The following TMEM132B variants were observed in gnomAD, a reference collection of about 807,000 sequenced individuals.
The protein encoded by TMEM132B is transmembrane protein 132B.
TMEM132B carries 18 observed loss-of-function variants against 90.8 expected under a neutral mutation model. That is an observed-to-expected ratio of 0.20 (90% CI 0.14 to 0.29). The LOEUF (loss-of-function observed/expected upper bound fraction) is 0.29. TMEM132B is among the 10% of genes least tolerant of loss of function. The pLI, the probability that TMEM132B is intolerant of heterozygous loss-of-function variation, is 1.00. For missense variants in TMEM132B, 1,096 were observed against 1,326.8 expected (o/e 0.83, Z 2.70); for synonymous variants, 504 against 523.3 (o/e 0.96, Z 0.50).
At chr12:125,405,598 GCTGTGCCAGT>G (rs1223802701) in intron 2 of TMEM132B, among the ~76,000 whole-genome samples, 2 of 152,088 alleles carry the variant, frequency 1.3e-5, no homozygotes, top group Admixed American at 1.3e-4. Context: ...GAATACCTGT[GCTGTGCCAGT>G]CAGGTATAGT....
chr12:125,310,324 C>T (rs866675989), intron 1 of TMEM132B, among the ~76,000 whole-genome samples: 1 of 152,160 alleles, frequency 6.6e-6, no homozygotes, highest in South Asian at 2.1e-4. Flanking sequence ...TTGTGGGAGA[C>T]CCGGACAGAG....
intron 5 of TMEM132B, among the ~76,000 whole-genome samples, chr12:125,599,861 CT>C (rs1386261846): frequency 6.6e-6 from 1 of 152,082 alleles, no homozygotes; most frequent in Non-Finnish European, 1.5e-5. Context: ...GGAAAACTTA[CT>C]TTTGGTCTTG....
At chr12:125,606,184 A>G (rs531563426) in intron 5 of TMEM132B, among the ~76,000 whole-genome samples, 1 of 152,336 alleles carries the variant, frequency 6.6e-6, no homozygotes, top group Non-Finnish European at 1.5e-5. Flanking sequence ...AAATATGAAC[A>G]GTTCAGATTT....
intron 5 of TMEM132B, among the ~76,000 whole-genome samples, chr12:125,632,117 A>G (rs1669919881): frequency 6.6e-6 from 1 of 151,644 alleles, no homozygotes; most frequent in Non-Finnish European, 1.5e-5. Flanking sequence ...GATACAATTT[A>G]CTTTCTTGCT....
intron 1 of TMEM132B, among the ~76,000 whole-genome samples, chr12:125,337,801 C>T (rs374705675): frequency 6.6e-6 from 1 of 152,212 alleles, no homozygotes; most frequent in Non-Finnish European, 1.5e-5. Context: ...CAAAGTCATA[C>T]ATGCAGATGG....
intron 1 of TMEM132B, among the ~76,000 whole-genome samples, chr12:125,198,111 G>A (rs1412515372): frequency 6.6e-6 from 1 of 152,178 alleles, no homozygotes; most frequent in Admixed American, 6.5e-5. Flanking sequence ...TGGGTTAAAA[G>A]ATGGATATAG....
At chr12:125,593,251 A>G (rs546328660) in intron 5 of TMEM132B, among the ~76,000 whole-genome samples, 4 of 152,246 alleles carry the variant, frequency 2.6e-5, no homozygotes, top group East Asian at 1.9e-4. Flanking sequence ...TTGGCCTGGG[A>G]TAGATATTGC....
chr12:125,561,288 C>T (rs753027561), intron 4 of TMEM132B, among the ~76,000 whole-genome samples: 3 of 151,878 alleles, frequency 2.0e-5, no homozygotes, highest in Non-Finnish European at 2.9e-5. Flanking sequence ...AACCAAACAC[C>T]GCATGTTCTC....
intron 1 of TMEM132B, among the ~76,000 whole-genome samples, chr12:125,288,763 T>G (rs1209523924): frequency 6.6e-6 from 1 of 152,164 alleles, no homozygotes; most frequent in Non-Finnish European, 1.5e-5. Flanking sequence ...CCGGTACCAC[T>G]CACTCCCCAA....
chr12:125,538,791 C>T (rs779502422), intron 4 of TMEM132B, among the ~76,000 whole-genome samples: 3 of 152,158 alleles, frequency 2.0e-5, no homozygotes, highest in Admixed American at 6.5e-5. Flanking sequence ...CAGAATCTTC[C>T]GCCAGTCTTT....
At chr12:125,554,512 A>G (rs1884322708) in intron 4 of TMEM132B, among the ~76,000 whole-genome samples, 1 of 149,062 alleles carries the variant, frequency 6.7e-6, no homozygotes, top group Non-Finnish European at 1.5e-5. Context: ...GGCTTATAAT[A>G]TGGAGCGGGC....
At chr12:125,189,527 T>TGGG (rs58898103) in intron 1 of TMEM132B, among the ~76,000 whole-genome samples, 10 of 151,508 alleles carry the variant, frequency 6.6e-5, no homozygotes, top group Middle Eastern at 3.4e-3. Flanking sequence ...ACAATAGTGA[T>TGGG]GGGGGGGGTG....
rs147720699 is a variant in TMEM132B at position 125,556,605 on chromosome 12, C to T, written c.1294-27246C>T. ...CGTATGAATAAGAGCTCAAACTAAT[C>T]GGAGTTTATATTCCCATGTGACAAG... On this transcript the variant is annotated intron_variant, in intron 4 of 8. Coordinates refer to ENST00000682704, the MANE Select transcript of TMEM132B (RefSeq NM_001366854.1). 6.4e-3 allele frequency among the ~76,000 whole-genome samples: 976 copies of T among 152,228 alleles called. 11 individuals are homozygous for T. Among genetic ancestry groups the T allele is most frequent in the African/African-American group, 0.022 (917 of 41,528 alleles).
At position 125,350,030 on chromosome 12, in the gene TMEM132B, G is replaced by T; in HGVS notation, c.646G>T (p.Gly216Trp). The change falls in exon 2 of 9, where the codon GGG (glycine) becomes TGG (tryptophan). Residue 216 changes from glycine (G) to tryptophan (W), a missense_variant. By Grantham distance (184) the Gly-to-Trp change is radical (BLOSUM62 -2). Transcript: ENST00000682704. ...AGAGGAGGAGATCCCAGCCCTGCTC[G>T]GGGGCACCACGATGGAGCTCTTCTT... is the stretch of plus-strand genomic sequence containing the variant. ...EPEEEIPALL[G>W]GTTMELFFTL... The T allele has an allele frequency of 3.1e-6, 5 of 1,614,168 alleles. No homozygotes were observed. The highest frequency in any genetic ancestry group is 3.4e-6 in the Non-Finnish European group (4 of 1,180,024).
intron 1 of TMEM132B, chr12:125,326,542 G>A: frequency 6.8e-6 from 10 of 1,466,746 alleles, no homozygotes; most frequent in Non-Finnish European, 8.4e-6. Context: ...TTTGATGGGG[G>A]GAGGTGGGAA....
At chr12:125,633,960 G>T (rs1229692927) in intron 5 of TMEM132B, among the ~76,000 whole-genome samples, 1 of 152,152 alleles carries the variant, frequency 6.6e-6, no homozygotes, top group Admixed American at 6.5e-5. Context: ...AGGCCCTGGG[G>T]CTCTACAATC....
At chr12:125,617,393 T>C (rs899814756) in intron 5 of TMEM132B, among the ~76,000 whole-genome samples, 6 of 150,778 alleles carry the variant, frequency 4.0e-5, no homozygotes, top group African/African-American at 1.2e-4. Flanking sequence ...TTGCCCAGGC[T>C]GGAGTGCAGT....
intron 3 of TMEM132B, among the ~76,000 whole-genome samples, chr12:125,435,957 A>C (rs1880686742): frequency 6.6e-6 from 1 of 152,060 alleles, no homozygotes; most frequent in African/African-American, 2.4e-5. Context: ...CTGCCTCTCC[A>C]TCCTGCCCCT....
At chr12:125,614,751 C>T in intron 5 of TMEM132B, among the ~76,000 whole-genome samples, 1 of 152,122 alleles carries the variant, frequency 6.6e-6, no homozygotes, top group East Asian at 1.9e-4. Context: ...ACCATTAGAC[C>T]CAGCAATCCC....
Sources: gnomAD v4.1 joint callset for allele counts (sites outside exome capture counted in the v4.1 genomes callset) on GRCh38, gnomAD v4.1.1 for gene constraint, MANE v1.5 for transcripts, NCBI Gene and HGNC (gene_info 2026-07-23, HGNC 2026-07-21) for gene names.